The following RARB variants were observed in gnomAD, a reference collection of about 807,000 sequenced individuals.
RARB encodes the protein HBV-activated protein.
A neutral mutation model predicts 51.9 loss-of-function variants in RARB; 17 were observed. The ratio of observed to expected loss-of-function variants is 0.33; its 90% confidence interval spans 0.22 to 0.49. The LOEUF (loss-of-function observed/expected upper bound fraction) is 0.49, where lower values mean the gene tolerates loss of function less well. Ranked by LOEUF, RARB falls within the 20% of genes least tolerant of loss-of-function variation. RARB has a pLI of 0.99. For synonymous variants in RARB, 215 were observed against 195.4 expected, an observed-to-expected ratio of 1.10 and a Z score of -0.84; for missense variants, 369 against 550.8, an observed-to-expected ratio of 0.67 and a Z score of 3.30.
At chr3:25,205,770 TCTCA>T (rs1214858088) in intron 5 of RARB, among the ~76,000 whole-genome samples, 1 of 151,144 alleles carries the variant, frequency 6.6e-6, no homozygotes, top group African/African-American at 2.4e-5. Context: ...TGAGACGGGG[TCTCA>T]CTCTGTTGCC....
At chr3:25,212,013 A>G (rs1386356530) in intron 5 of RARB, among the ~76,000 whole-genome samples, 3 of 152,138 alleles carry the variant, frequency 2.0e-5, no homozygotes, top group Non-Finnish European at 4.4e-5. Context: ...TTTACTACCT[A>G]AATTTCACTT....
At chr3:25,340,904 GA>G (rs1458241944) in intron 5 of RARB, among the ~76,000 whole-genome samples, 3 of 152,150 alleles carry the variant, frequency 2.0e-5, no homozygotes, top group African/African-American at 7.2e-5. Context: ...GAGGTTATCT[GA>G]GTGAGTACAG....
At chr3:25,426,708 G>A (rs949601150), upstream of RARB, among the ~76,000 whole-genome samples, 1 of 152,134 alleles carries the variant, frequency 6.6e-6, no homozygotes, top group Non-Finnish European at 1.5e-5. Flanking sequence ...CAGAGGCAGT[G>A]GAGAAAAAAG....
At chr3:25,157,380 G>GTGTGTGTGTA (rs758200423) in intron 4 of RARB, among the ~76,000 whole-genome samples, 10,553 of 146,478 alleles carry the variant, frequency 0.072, 447 homozygotes, top group South Asian at 0.16. Context: ...GTGTGTGTGT[G>GTGTGTGTGTA]TATATATATG....
At chr3:25,184,353 C>T (rs1259324262) in intron 5 of RARB, among the ~76,000 whole-genome samples, 1 of 152,076 alleles carries the variant, frequency 6.6e-6, no homozygotes, top group Non-Finnish European at 1.5e-5. Context: ...CTGATGATAG[C>T]ACAGAGTTAC....
intron 5 of RARB, among the ~76,000 whole-genome samples, chr3:25,254,744 G>C (rs186433867): frequency 2.2e-4 from 34 of 152,206 alleles, no homozygotes; most frequent in African/African-American, 8.2e-4. Flanking sequence ...TGGGTCCAAA[G>C]GGGGAGATAA....
intron 2 of RARB, chr3:25,462,452 G>A (rs930496069): frequency 2.6e-5 from 4 of 152,126 alleles, no homozygotes; most frequent in South Asian, 2.1e-4. Context: ...GTTTACATCT[G>A]TTGTTTATAC....
chr3:25,283,206 A>G (rs1395467285), intron 5 of RARB, among the ~76,000 whole-genome samples: 1 of 152,134 alleles, frequency 6.6e-6, no homozygotes, highest in East Asian at 1.9e-4. Flanking sequence ...CAAAAGTTTA[A>G]GTCCTTGGGA....
chr3:25,451,024 T>C (rs1575416052), intron 1 of RARB, among the ~76,000 whole-genome samples: 1 of 151,858 alleles, frequency 6.6e-6, no homozygotes. Flanking sequence ...GAGGCGGAGG[T>C]TGCAGTGAGC....
chr3:25,411,456 T>A (rs1202362912), intron 5 of RARB, among the ~76,000 whole-genome samples: 1 of 152,164 alleles, frequency 6.6e-6, no homozygotes, highest in African/African-American at 2.4e-5. Context: ...AAATAGTATG[T>A]GGGGGTATGT....
At chr3:25,054,332 G>A (rs182037969) in intron 2 of RARB, among the ~76,000 whole-genome samples, 4 of 152,234 alleles carry the variant, frequency 2.6e-5, no homozygotes, top group East Asian at 1.9e-4. Context: ...AATTGATTGT[G>A]TACTAGTTGG....
intron 5 of RARB, among the ~76,000 whole-genome samples, chr3:25,312,352 AT>A (rs200003222): frequency 0.045 from 6,671 of 147,826 alleles, 181 homozygotes; most frequent in Middle Eastern, 0.083. Context: ...GGCAGAATAC[AT>A]TTTTTTTTTT....
At chr3:25,022,640 T>A (rs957321315) in intron 2 of RARB, among the ~76,000 whole-genome samples, 2 of 152,184 alleles carry the variant, frequency 1.3e-5, no homozygotes, top group African/African-American at 4.8e-5. Context: ...TTCTGTTGAG[T>A]ATATAGCATC....
chr3:25,071,910 C>T (rs1225737615), intron 3 of RARB, among the ~76,000 whole-genome samples: 1 of 152,078 alleles, frequency 6.6e-6, no homozygotes, highest in East Asian at 1.9e-4. Flanking sequence ...TGCTTGAAAG[C>T]CCTCAATGTG....
chr3:25,457,587 G>C (rs1694982328), intron 1 of RARB, among the ~76,000 whole-genome samples: 1 of 152,104 alleles, frequency 6.6e-6, no homozygotes, highest in Non-Finnish European at 1.5e-5. Flanking sequence ...AAAATGCTTT[G>C]GGATCTTTAA....
intron 5 of RARB, among the ~76,000 whole-genome samples, chr3:25,179,600 T>A (rs953541873): frequency 4.6e-5 from 7 of 152,208 alleles, no homozygotes; most frequent in Non-Finnish European, 7.3e-5. Flanking sequence ...TAAACTCAGT[T>A]ATAACAGTTT....
chr3:25,526,388 A>G (rs140434634), intron 3 of RARB, among the ~76,000 whole-genome samples: 3 of 152,310 alleles, frequency 2.0e-5, no homozygotes, highest in East Asian at 3.9e-4. Context: ...ATTGAGTGAC[A>G]TGATCACATT....
At chr3:25,302,724 T>C (rs952185107) in intron 5 of RARB, among the ~76,000 whole-genome samples, 1 of 152,198 alleles carries the variant, frequency 6.6e-6, no homozygotes, top group Non-Finnish European at 1.5e-5. Context: ...AACCACCAAG[T>C]TGTATACTAT....
chr3:25,351,847 G>A (rs1404016206), intron 5 of RARB, among the ~76,000 whole-genome samples: 1 of 152,124 alleles, frequency 6.6e-6, no homozygotes, highest in African/African-American at 2.4e-5. Context: ...CTGGCTAAGA[G>A]TGTTCCCCAA....
Sources: gnomAD v4.1 joint callset for allele counts (sites outside exome capture counted in the v4.1 genomes callset) on GRCh38, gnomAD v4.1.1 for gene constraint, MANE v1.5 for transcripts, NCBI Gene and HGNC (gene_info 2026-07-23, HGNC 2026-07-21) for gene names.